WIZ: variants seen among roughly 807,000 people sequenced by gnomAD.
WIZ encodes the protein WIZ zinc finger.
In WIZ, 25 loss-of-function variants were observed where a neutral mutation model predicts 140.2. The observed-to-expected ratio is 0.18, with a 90% CI of 0.13 to 0.25. The LOEUF is 0.25. Among genes scored for constraint, WIZ ranks in the 10% least tolerant of loss-of-function variants. The pLI is 1.00. For missense variants in WIZ, 2,231 were observed against 2,632.6 expected, an observed-to-expected ratio of 0.85 and a Z score of 3.34; for synonymous variants, 1,125 against 1,154.3, an observed-to-expected ratio of 0.97 and a Z score of 0.51.
chr19:15,433,839 G>A (rs1270690646), intron 5 of WIZ, among the ~76,000 whole-genome samples: 2 of 152,192 alleles, frequency 1.3e-5, no homozygotes, highest in Non-Finnish European at 1.5e-5. Context: ...AGGAGAGGGG[G>A]CTTTGATAGC....
At chr19:15,426,313 C>T (rs1307674039) in intron 9 of WIZ, among the ~76,000 whole-genome samples, 1 of 152,148 alleles carries the variant, frequency 6.6e-6, no homozygotes, top group Non-Finnish European at 1.5e-5. Flanking sequence ...CTGCTCAGCA[C>T]ACAGTGGGCA....
rs541051244 is a variant in WIZ at position 15,427,623 on chromosome 19, G to T, written c.3815-90C>A. ...TGTCCTGGTCGGCTGGGCGTGGGCG[G>T]CAGCAGCACGCCCACAGGTTAGGGT... On this transcript the variant is annotated intron_variant, in intron 8 of 12. Coordinates refer to ENST00000673675, the MANE Select transcript of WIZ (RefSeq NM_001371589.1). This position sits in a 1 kb window ranked among gnomAD's most constrained non-coding sequence, Gnocchi z 6.4. The T allele has an allele frequency of 3.9e-5, 53 of 1,373,636 alleles. No homozygotes were observed. In the East Asian group the frequency reaches 1.3e-3, roughly 33 times the overall value. The allele number at this position is 1,373,636 out of a possible 1,614,324, so 85.1% of individuals were successfully genotyped here.
Position 15,422,952 on chromosome 19 carries a change from C to T in WIZ, c.*124G>A, listed in dbSNP as rs1035860181. The T allele has an allele frequency of 1.2e-4, 163 of 1,399,358 alleles. No individual in the cohort carries two copies. The highest frequency in any genetic ancestry group is 1.4e-4 in the Non-Finnish European group (147 of 1,055,108). The allele number at this position is 1,399,358 out of a possible 1,614,324, so 86.7% of individuals were successfully genotyped here. Reference sequence around the variant, plus strand: ...TGTAGTGTGCCCGGCCCCCAAGGGGCGCCGGTTTGAGGTTTTGGCTTGCTC... The same window carrying T: ...TGTAGTGTGCCCGGCCCCCAAGGGGTGCCGGTTTGAGGTTTTGGCTTGCTC... On this transcript the variant is annotated 3_prime_UTR_variant, in exon 13 of 13. Transcript: ENST00000673675.
At chr19:15,423,921 A>T in intron 12 of WIZ, 2 of 416,408 alleles carry the variant, frequency 4.8e-6, no homozygotes, top group Admixed American at 4.4e-5. Flanking sequence ...ACCCGCTTTT[A>T]TGAGTGAGGA....
chr19:15,425,517 C>A lies in WIZ; in HGVS notation c.4618G>T (p.Val1540Leu). ...PALAEDGPPT[V>L]APGPVQSPLP... is the part of the protein sequence containing the mutation. ...GGGGACTGCACGGGCCCAGGGGCCA[C>A]GGTGGGAGGCCCGTCCTCAGCCAGG... Residue 1540 changes from valine to leucine, a missense_variant, in exon 10 of 13, where the codon GTG (valine) becomes TTG (leucine). This residue lies in a region of WIZ where 393 missense variants were observed against 451.7 expected (regional missense o/e 0.87). Coordinates refer to ENST00000673675, the MANE Select transcript of WIZ (RefSeq NM_001371589.1). The A allele has an allele frequency of 6.2e-7, 1 of 1,610,978 alleles. No homozygotes were observed. Among genetic ancestry groups the A allele is most frequent in the Non-Finnish European group, 8.5e-7 (1 of 1,178,738 alleles).
At position 15,429,852 on chromosome 19, in the gene WIZ, G is replaced by T. The variant is rs1341902564; in HGVS notation, c.3149C>A (p.Ala1050Asp). 6.5e-7 allele frequency: 1 copy of T among 1,530,138 alleles called. No individual in the cohort carries two copies. Among genetic ancestry groups the T allele is most frequent in the Non-Finnish European group, 8.8e-7 (1 of 1,142,774 alleles). 94.8% of individuals were successfully genotyped at this position (1,530,138 alleles called of 1,614,324 possible). ...CAGGCTGAGCAAGCCGGGCCGGGGG[G>T]CCCCGGCGACCACCTCCTTCAGTGA... Reference protein sequence around the residue: ...SSSLKEVVAGAPRPGLLSLAK... With the variant: ...SSSLKEVVAGDPRPGLLSLAK... The change falls in exon 7 of 13, where the codon GCC becomes GAC. Residue 1050 changes from alanine to aspartate, a missense_variant. Ala to Asp is a moderately radical substitution (Grantham distance 126, BLOSUM62 -2). Coordinates refer to ENST00000673675, the MANE Select transcript of WIZ (RefSeq NM_001371589.1).
chr19:15,429,539 C>T lies in WIZ; in HGVS notation c.3415+47G>A, dbSNP rs143067996. 346 of 1,326,578 alleles carry T rather than the reference C, an allele frequency of 2.6e-4. No homozygotes were observed. In the African/African-American group the frequency reaches 4.5e-3, roughly 17 times the overall value. The allele number at this position is 1,326,578 out of a possible 1,614,324, so 82.2% of individuals were successfully genotyped here. On this transcript the variant is annotated intron_variant, in intron 7 of 12. Transcript: ENST00000673675. ...GCTACAGCCCAACCTGAGGTCCCGA[C>T]CCTCCCAGCGCCAGAACCTCCCTCG...
Position 15,439,398 on chromosome 19 carries a change from C to T in WIZ, c.1596G>A (p.Leu532=). Residue 532 remains leucine (L), a synonymous_variant, in exon 4 of 13, where the codon TTG becomes TTA. Coordinates refer to ENST00000673675, the MANE Select transcript of WIZ (RefSeq NM_001371589.1). The surrounding 1 kb of genome is among the most constrained non-coding windows in gnomAD (Gnocchi z 7.0). ...CAGGGTTCTCCCGCCACATGGGGGCCAAGGACGGCTCAGCTTTGCCAAAGT... is the reference window on the plus strand; with the variant it reads ...CAGGGTTCTCCCGCCACATGGGGGCTAAGGACGGCTCAGCTTTGCCAAAGT... The part of the protein sequence containing the change: ...VDYFGKAEPS[L]APMWRENPAG... 6.5e-7 allele frequency: 1 copy of T among 1,528,236 alleles called. No homozygotes were observed. The highest frequency in any genetic ancestry group is 8.8e-7 in the Non-Finnish European group (1 of 1,141,458). The allele number at this position is 1,528,236 out of a possible 1,614,324, so 94.7% of individuals were successfully genotyped here.
rs909463178 is a variant in WIZ at position 15,420,881 on chromosome 19, T to C, written c.*2195A>G. On this transcript the variant is annotated 3_prime_UTR_variant, in exon 13 of 13. Coordinates refer to ENST00000673675, the MANE Select transcript of WIZ (RefSeq NM_001371589.1). ...GGCTCACGCCTGTAATCCCAGCACTTTGGGAGGCTGATCACTTGAGCTCAG... is the reference window on the plus strand; with the variant it reads ...GGCTCACGCCTGTAATCCCAGCACTCTGGGAGGCTGATCACTTGAGCTCAG... 2.0e-5 allele frequency: 3 copies of C among 152,186 alleles called. No homozygotes were observed. Among genetic ancestry groups the C allele is most frequent in the Admixed American group, 6.5e-5 (1 of 15,274 alleles). 9.4% of individuals were successfully genotyped at this position (152,186 alleles called of 1,614,324 possible). A position where few individuals can be genotyped will look rare whatever the true frequency, so the allele number is the denominator to read the frequency against.
In WIZ at chr19:15,439,217, G is replaced by A; in HGVS notation, c.1777C>T (p.Gln593Ter). Residue 593 changes from glutamine to a stop codon, truncating the protein, a stop_gained, in exon 4 of 13, where the codon CAG becomes TAG. Coordinates refer to ENST00000673675, the MANE Select transcript of WIZ (RefSeq NM_001371589.1). LOFTEE classifies it high-confidence loss of function. This position sits in a 1 kb window ranked among gnomAD's most constrained non-coding sequence, Gnocchi z 7.0. Reference protein sequence around the residue: ...STLASTPYSLQLGRNKSTVHP... With the variant: ...STLASTPYSL ...ACGGTGCTTTTGTTTCTCCCGAGCTGTAAGGAGTAGGGGGTGGATGCTAGT... is the reference window on the plus strand; with the variant it reads ...ACGGTGCTTTTGTTTCTCCCGAGCTATAAGGAGTAGGGGGTGGATGCTAGT... 1.3e-6 allele frequency: 2 copies of A among 1,535,776 alleles called. No homozygotes were observed. Among genetic ancestry groups the A allele is most frequent in the Non-Finnish European group, 1.7e-6 (2 of 1,146,728 alleles).
rs1263399351 is a variant in WIZ at position 15,442,839 on chromosome 19, A to C, written c.206-91T>G. On this transcript the variant is annotated intron_variant, in intron 2 of 12. Coordinates refer to ENST00000673675, the MANE Select transcript of WIZ (RefSeq NM_001371589.1). The surrounding 1 kb of genome is among the most constrained non-coding windows in gnomAD (Gnocchi z 5.5). The stretch of plus-strand genomic sequence containing the variant: ...CTCCAGGAGCCCTGCCAGGTGCCTC[A>C]GAAAGGCCCTGCTGGCTCCCAGTTC... The C allele has an allele frequency of 5.3e-6, 4 of 753,608 alleles. No individual in the cohort carries two copies. The highest frequency in any genetic ancestry group is 7.3e-6 in the Non-Finnish European group (4 of 550,984). The allele number at this position is 753,608 out of a possible 1,614,324, so 46.7% of individuals were successfully genotyped here.
At chr19:15,423,257 G>A in intron 12 of WIZ, 22 bp from the exon 13 acceptor site, 1 of 1,611,942 alleles carries the variant, frequency 6.2e-7, no homozygotes, top group Non-Finnish European at 8.5e-7. Flanking sequence ...AACAGAGAGA[G>A]GGAGTGGCCA....
chr19:15,429,584 A>C lies in WIZ; in HGVS notation c.3415+2T>G. 7.3e-7 allele frequency: 1 copy of C among 1,360,730 alleles called. No individual in the cohort carries two copies. Among genetic ancestry groups the C allele is most frequent in the Non-Finnish European group, 9.4e-7 (1 of 1,058,358 alleles). The allele number at this position is 1,360,730 out of a possible 1,614,324, so 84.3% of individuals were successfully genotyped here. On this transcript the variant is annotated splice_donor_variant, in intron 7 of 12. Coordinates refer to ENST00000673675, the MANE Select transcript of WIZ (RefSeq NM_001371589.1). LOFTEE classifies it high-confidence loss of function. ...CCCTCGGCTCTTGGGACCCACACTC[A>C]CTGAGGTTCAAGGGCCCCTCATCCT...
At position 15,436,996 on chromosome 19, in the gene WIZ, G is replaced by A; in HGVS notation, c.2550C>T (p.Leu850=). 2 of 1,613,852 alleles carry A rather than the reference G, an allele frequency of 1.2e-6. No homozygotes were observed. The highest frequency in any genetic ancestry group is 1.7e-6 in the Non-Finnish European group (2 of 1,179,872). Residue 850 remains leucine (L), a synonymous_variant, in exon 5 of 13, where the codon CTC becomes CTT. Coordinates refer to ENST00000673675, the MANE Select transcript of WIZ (RefSeq NM_001371589.1). ...GCAGGATGTTGATGGGTGAGACAGTGAGCTCCCAGTTGGTGATACCGAAGT... is the reference window on the plus strand; with the variant it reads ...GCAGGATGTTGATGGGTGAGACAGTAAGCTCCCAGTTGGTGATACCGAAGT... ...LRDFGITNWE[L]TVSPINILQE... is the part of the protein sequence containing the mutation.
rs534979281 is a variant in WIZ at position 15,439,384 on chromosome 19, C to T, written c.1610G>A (p.Arg537Gln). The part of the protein sequence containing the change: ...KAEPSLAPMW[R>Q]ENPAGYDPSL... ...GGGGTCGTATCCAGCAGGGTTCTCC[C>T]GCCACATGGGGGCCAAGGACGGCTC... is the stretch of plus-strand genomic sequence containing the variant. The change falls in exon 4 of 13, where the codon CGG becomes CAG. Residue 537 changes from arginine to glutamine, a missense_variant. By Grantham distance (43) the Arg-to-Gln change is conservative. This residue lies in a region of WIZ where 475 missense variants were observed against 520.2 expected (regional missense o/e 0.91). Transcript: ENST00000673675. This position sits in a 1 kb window ranked among gnomAD's most constrained non-coding sequence, Gnocchi z 7.0. 19 of 1,529,898 alleles carry T rather than the reference C, an allele frequency of 1.2e-5. No homozygotes were observed. Among genetic ancestry groups the T allele is most frequent in the African/African-American group, 6.9e-5 (5 of 72,952 alleles). The allele number at this position is 1,529,898 out of a possible 1,614,324, so 94.8% of individuals were successfully genotyped here.
chr19:15,425,044 AG>A lies in WIZ; in HGVS notation c.4895-13del. 1.9e-6 allele frequency: 3 copies of A among 1,558,576 alleles called. No individual in the cohort carries two copies. The highest frequency in any genetic ancestry group is 2.6e-6 in the Non-Finnish European group (3 of 1,155,706). On this transcript the variant is annotated splice_polypyrimidine_tract_variant and intron_variant, in intron 10 of 12. Coordinates refer to ENST00000673675, the MANE Select transcript of WIZ (RefSeq NM_001371589.1). ...GCAGGCCTCGGTGGCTGCGGGGCGG[AG>A]GGGGTGCTGCTGAGTCACAGCCCAA...
intron 5 of WIZ, among the ~76,000 whole-genome samples, chr19:15,434,531 C>T (rs904564703): frequency 6.6e-6 from 1 of 150,860 alleles, no homozygotes; most frequent in East Asian, 2.0e-4. Flanking sequence ...CCACTGCACT[C>T]CAGCCTGGGC....
At chr19:15,430,752 G>GT (rs35685453) in intron 6 of WIZ, among the ~76,000 whole-genome samples, 119,155 of 152,152 alleles carry the variant, frequency 0.78, 46,845 homozygotes, top group East Asian at 0.99. Context: ...CTGGGTCTGA[G>GT]TATGAGCTCT....
Position 15,428,416 on chromosome 19 carries a change from G to C in WIZ, c.3508C>G (p.His1170Asp). The C allele has an allele frequency of 6.5e-7, 1 of 1,535,668 alleles. No individual in the cohort carries two copies. The highest frequency in any genetic ancestry group is 8.7e-7 in the Non-Finnish European group (1 of 1,146,818). Residue 1170 changes from histidine to aspartate, a missense_variant, in exon 8 of 13, where the codon CAC (histidine) becomes GAC (aspartate). By Grantham distance (81) the His-to-Asp change is moderately conservative. Around this residue, in one of 15 missense-constraint regions of WIZ, gnomAD observed 39 missense variants for 74.9 expected, o/e 0.52. Transcript: ENST00000673675. The surrounding 1 kb of genome is among the most constrained non-coding windows in gnomAD (Gnocchi z 6.4). ...RKGLSSHARA[H>D]LRHLGVSDPD... ...TCGCTGACGCCCAGGTGGCGCAGGT[G>C]GGCACGGGCGTGGCTAGACAGGCCC...
Sources: allele counts gnomAD v4.1 joint callset (sites outside exome capture counted in the v4.1 genomes callset), GRCh38; gene constraint gnomAD v4.1.1; regional missense constraint gnomAD v4.1.1; non-coding constraint Gnocchi (gnomAD v3.1); transcripts MANE v1.5; gene names NCBI Gene and HGNC (gene_info 2026-07-23, HGNC 2026-07-21).